Variants in CHM observed in about 807,000 individuals in gnomAD.
The protein encoded by CHM is rab proteins geranylgeranyltransferase component A 1.
Under a neutral mutation model 49.0 loss-of-function variants are expected in CHM, and 10 were observed. That is an observed-to-expected ratio of 0.20 (90% CI 0.13 to 0.35). The LOEUF (loss-of-function observed/expected upper bound fraction) is 0.35. CHM is among the 10% of genes least tolerant of loss of function. The pLI, the probability that CHM is intolerant of heterozygous loss-of-function variation, is 1.00. For missense variants in CHM, 455 were observed against 478.4 expected, an observed-to-expected ratio of 0.95 and a Z score of 0.46; for synonymous variants, 184 against 167.5, an observed-to-expected ratio of 1.10 and a Z score of -0.76.
At chrX:85,941,435 A>G (rs752332737) in intron 8 of CHM, among the ~76,000 whole-genome samples, 4 of 112,135 alleles carry the variant, frequency 3.6e-5, no homozygotes, top group African/African-American at 1.3e-4. Context: ...TTTCCTTAAC[A>G]TACAATTTCC....
At chrX:86,014,947 A>G (rs1933227027) in intron 2 of CHM, among the ~76,000 whole-genome samples, 1 of 112,320 alleles carries the variant, frequency 8.9e-6, no homozygotes, top group Non-Finnish European at 1.9e-5. Flanking sequence ...ATAAAGTCAA[A>G]GTGTCACCAA....
chrX:86,006,066 C>T lies in CHM; in HGVS notation c.116+21425G>A, dbSNP rs182117725. Among the ~76,000 whole-genome samples the T allele has an allele frequency of 8.6e-3, 964 of 111,627 alleles. 7 individuals are homozygous for T. The highest frequency in any genetic ancestry group is 0.015 in the Non-Finnish European group (821 of 53,098). On this transcript the variant is annotated intron_variant, in intron 2 of 14. Transcript: ENST00000357749. The stretch of plus-strand genomic sequence containing the variant: ...AGCACATCAAAAAGCTTATCCACCA[C>T]GATCAGGTCGGCTTCATTCCTGGGA...
chrX:86,015,046 A>G (rs1042146941), intron 2 of CHM, among the ~76,000 whole-genome samples: 1 of 101,516 alleles, frequency 9.9e-6, no homozygotes, highest in Non-Finnish European at 2.0e-5. Flanking sequence ...GTTTCAATAT[A>G]TACATGAAAA....
intron 4 of CHM, chrX:85,971,102 C>T (rs1183972263): frequency 6.5e-6 from 4 of 619,544 alleles, no homozygotes; most frequent in South Asian, 8.3e-5. Context: ...TATAAATACA[C>T]CCTATATATT....
At chrX:86,042,925 C>T (rs1455133783) in intron 1 of CHM, among the ~76,000 whole-genome samples, 1 of 111,653 alleles carries the variant, frequency 9.0e-6, no homozygotes, top group Non-Finnish European at 1.9e-5. Flanking sequence ...GACCCAAACA[C>T]ATCCCATCAG....
At chrX:85,952,377 G>A (rs1929791633) in intron 8 of CHM, among the ~76,000 whole-genome samples, 1 of 110,654 alleles carries the variant, frequency 9.0e-6, no homozygotes, top group Non-Finnish European at 1.9e-5. Flanking sequence ...TAGCAGCTCA[G>A]CCACAATAAG....
chrX:85,867,877 C>T (rs749334799), intron 14 of CHM, among the ~76,000 whole-genome samples: 1 of 111,564 alleles, frequency 9.0e-6, no homozygotes, highest in Non-Finnish European at 1.9e-5. Context: ...TTGGACATGC[C>T]AATTACTATA....
chrX:86,029,715 A>G (rs1339832143), intron 1 of CHM, among the ~76,000 whole-genome samples: 3 of 111,542 alleles, frequency 2.7e-5, no homozygotes, highest in African/African-American at 9.8e-5. Context: ...TGAAGATTCA[A>G]GGACAATACA....
intron 2 of CHM, among the ~76,000 whole-genome samples, chrX:86,023,858 A>T (rs1286542433): frequency 9.0e-6 from 1 of 111,730 alleles, no homozygotes; most frequent in African/African-American, 3.3e-5. Flanking sequence ...GTACTTATCC[A>T]CCCATCAAAT....
At chrX:86,019,474 C>T (rs1431986117) in intron 2 of CHM, 2 of 112,062 alleles carry the variant, frequency 1.8e-5, no homozygotes, top group Non-Finnish European at 1.9e-5. Context: ...AAAGATAACA[C>T]TGAAGGAGTC....
intron 8 of CHM, among the ~76,000 whole-genome samples, chrX:85,945,942 G>A (rs1929384130): frequency 8.9e-6 from 1 of 112,111 alleles, no homozygotes; most frequent in South Asian, 3.7e-4. Context: ...GGCCACCCAT[G>A]TTATGCCTAA....
At chrX:85,959,642 T>C (rs1202346822) in intron 5 of CHM, among the ~76,000 whole-genome samples, 1 of 111,886 alleles carries the variant, frequency 8.9e-6, no homozygotes, top group African/African-American at 3.2e-5. Context: ...TGCTGGCATG[T>C]ATGGGAGAAA....
intron 4 of CHM, among the ~76,000 whole-genome samples, chrX:85,976,335 T>A (rs1428060160): frequency 8.9e-6 from 1 of 112,041 alleles, no homozygotes; most frequent in Non-Finnish European, 1.9e-5. Context: ...AATAGTAGCA[T>A]GTTAGAGCCG....
chrX:85,953,906 G>C (rs1238752451), intron 8 of CHM, among the ~76,000 whole-genome samples: 1 of 111,701 alleles, frequency 9.0e-6, no homozygotes, highest in East Asian at 2.8e-4. Context: ...GGCGACTAAA[G>C]CAAAAATGGA....
At chrX:85,952,176 G>C (rs1312668190) in intron 8 of CHM, among the ~76,000 whole-genome samples, 1 of 111,568 alleles carries the variant, frequency 9.0e-6, no homozygotes, top group Non-Finnish European at 1.9e-5. Context: ...GCTAATGCTA[G>C]GCTGGGCTTA....
intron 2 of CHM, among the ~76,000 whole-genome samples, chrX:86,008,792 A>T (rs759466164): frequency 8.4e-4 from 94 of 112,063 alleles, no homozygotes; most frequent in African/African-American, 3.0e-3. Context: ...GCAATACAAA[A>T]ATGAATGGAC....
At chrX:85,866,482 G>A (rs774492246) in intron 14 of CHM, among the ~76,000 whole-genome samples, 69 of 113,035 alleles carry the variant, frequency 6.1e-4, no homozygotes, top group African/African-American at 2.1e-3. Context: ...TGCTAGGGCA[G>A]TGCTGAAGGG....
chrX:85,912,716 T>C (rs1030998066), intron 8 of CHM, among the ~76,000 whole-genome samples: 3 of 111,039 alleles, frequency 2.7e-5, no homozygotes, highest in Non-Finnish European at 3.8e-5. Context: ...CAAGTGTCTT[T>C]AAAAGAAAGA....
At chrX:85,885,805 A>G (rs1244215854) in intron 12 of CHM, among the ~76,000 whole-genome samples, 1 of 111,294 alleles carries the variant, frequency 9.0e-6, no homozygotes, top group Non-Finnish European at 1.9e-5. Flanking sequence ...TCATTTAGCA[A>G]TACTGATTAC....
Sources: allele counts gnomAD v4.1 joint callset (sites outside exome capture counted in the v4.1 genomes callset), GRCh38; gene constraint gnomAD v4.1.1; transcripts MANE v1.5; gene names NCBI Gene and HGNC (gene_info 2026-07-23, HGNC 2026-07-21).